SYNE1: variants seen among roughly 807,000 people sequenced by gnomAD.
SYNE1 encodes spectrin repeat containing nuclear envelope protein 1.
Under a neutral mutation model 1,111.0 loss-of-function variants are expected in SYNE1, and 616 were observed. The ratio of observed to expected loss-of-function variants is 0.55; its 90% CI spans 0.52 to 0.59. SYNE1 has a LOEUF of 0.59. Ranked by LOEUF, SYNE1 falls within the 20% of genes least tolerant of loss-of-function variation. The pLI is 0.00. For synonymous variants in SYNE1, 3,855 were observed against 3,825.8 expected, an observed-to-expected ratio of 1.01 and a Z score of -0.28; for missense variants, 10,006 against 10,417.0, an observed-to-expected ratio of 0.96 and a Z score of 1.72.
rs755706958 is a variant in SYNE1, at chr6:152,435,941, T to G, written c.4310A>C (p.Asp1437Ala). Reference protein sequence around the residue: ...VKKLEDTLEEDIKTMEMVKTK... With the variant: ...VKKLEDTLEEAIKTMEMVKTK... ...AGTTTAGGACTTGTCAATCACATAC[T>G]CTTCTTCAAGCGTGTCTTCTAATTT... is the stretch of plus-strand genomic sequence containing the variant. Residue 1437 changes from aspartate to alanine, a missense_variant and splice_region_variant, in exon 33 of 146, where the codon GAT becomes GCT. This residue lies in a region of SYNE1 where 1,971 missense variants were observed against 2,084.1 expected (regional missense o/e 0.95). Transcript: ENST00000367255. The G allele has an allele frequency of 1.2e-6, 2 of 1,614,008 alleles. No individual in the cohort carries two copies. Among genetic ancestry groups the G allele is most frequent in the Non-Finnish European group, 1.7e-6 (2 of 1,180,016 alleles).
chr6:152,490,977 G>C (rs2098967274), intron 11 of SYNE1, among the ~76,000 whole-genome samples: 1 of 152,186 alleles, frequency 6.6e-6, no homozygotes, highest in Non-Finnish European at 1.5e-5. Context: ...CTCTAATAGA[G>C]ACAAAGGAGA....
chr6:152,469,518 T>C (rs1443205363), intron 16 of SYNE1, among the ~76,000 whole-genome samples: 1 of 152,088 alleles, frequency 6.6e-6, no homozygotes, highest in Non-Finnish European at 1.5e-5. Context: ...ATAGCAACTA[T>C]GAGGCTTTCA....
At position 152,361,858 on chromosome 6, in the gene SYNE1, AAAAGG is replaced by A. The variant is rs557402152; in HGVS notation, c.10299+307_10299+311del. Among the ~76,000 whole-genome samples, 9 of 152,256 alleles carry A rather than the reference AAAAGG, an allele frequency of 5.9e-5. No individual in the cohort carries two copies. In the South Asian group the frequency reaches 1.5e-3, roughly 25 times the overall value. ...AAAGGGATGTGATAAAAAAAAAAAA[AAAAGG>A]AAGACTTCCTAATGATGAGCAGGCT... is the stretch of plus-strand genomic sequence containing the variant. On this transcript the variant is annotated intron_variant, in intron 64 of 145. Coordinates refer to ENST00000367255, the MANE Select transcript of SYNE1 (RefSeq NM_182961.4).
intron 32 of SYNE1, among the ~76,000 whole-genome samples, chr6:152,436,649 C>T (rs2154215937): frequency 6.6e-6 from 1 of 152,186 alleles, no homozygotes; most frequent in East Asian, 1.9e-4. Flanking sequence ...TCATAGTTTT[C>T]CAATAATACT....
intron 46 of SYNE1, 130 bp downstream of exon 46, chr6:152,404,083 A>C: frequency 1.8e-6 from 1 of 545,562 alleles, no homozygotes; most frequent in South Asian, 2.4e-5. Flanking sequence ...ATATAGATAT[A>C]TACGAGATAT....
intron 129 of SYNE1, 125 bp from the exon 130 acceptor site, chr6:152,176,685 C>A (rs2066526902): frequency 8.5e-6 from 8 of 944,598 alleles, no homozygotes; most frequent in Non-Finnish European, 1.2e-5. Flanking sequence ...ATAGGAATAC[C>A]ATGTGGATAT....
chr6:152,189,514 T>G (rs1232429593), intron 127 of SYNE1, 107 bp from the exon 128 acceptor site: 1 of 1,059,652 alleles, frequency 9.4e-7, no homozygotes, highest in Middle Eastern at 2.1e-4. Context: ...AGCCCTCAAT[T>G]TAAATATCTA....
intron 131 of SYNE1, 116 bp downstream of exon 131, chr6:152,164,047 C>T: frequency 7.0e-7 from 1 of 1,422,928 alleles, no homozygotes; most frequent in Non-Finnish European, 9.9e-7. Context: ...ACCAGTCCTG[C>T]CTAGCTCCCT....
In SYNE1 at chr6:152,465,447, C is replaced by T; in HGVS notation, c.1743G>A (p.Glu581=). Residue 581 remains glutamate (E), a synonymous_variant, in exon 18 of 146, where the codon GAG becomes GAA. Coordinates refer to ENST00000367255, the MANE Select transcript of SYNE1 (RefSeq NM_182961.4). ...VKADGSVEEA[E]NVMKFMNETT... ...TTTCATTCATGAATTTCATCACATT[C>T]TCAGCTTCTTCCACTGAAACAGATA... 2 of 1,613,252 alleles carry T rather than the reference C, an allele frequency of 1.2e-6. No homozygotes were observed. Among genetic ancestry groups the T allele is most frequent in the East Asian group, 2.2e-5 (1 of 44,846 alleles).
intron 107 of SYNE1, 27 bp from the exon 108 acceptor site, chr6:152,239,733 C>T: frequency 6.2e-7 from 1 of 1,613,630 alleles, no homozygotes; most frequent in Non-Finnish European, 8.5e-7. Context: ...AGAAAGAAGT[C>T]AGCAACTCAT....
chr6:152,181,908 A>C (rs929742756), intron 128 of SYNE1, among the ~76,000 whole-genome samples: 1 of 152,164 alleles, frequency 6.6e-6, no homozygotes, highest in African/African-American at 2.4e-5. Context: ...GTAGGATTCC[A>C]ATTTCTCTAC....
intron 137 of SYNE1, chr6:152,144,447 C>G (rs2059088553): frequency 6.5e-6 from 1 of 154,586 alleles, no homozygotes; most frequent in Admixed American, 6.3e-5. Flanking sequence ...ATTCTCCTCT[C>G]AAAGTTGTAA....
chr6:152,281,672 A>G, intron 97 of SYNE1, 135 bp downstream of exon 97: 1 of 953,256 alleles, frequency 1.0e-6, no homozygotes, highest in Non-Finnish European at 1.6e-6. Flanking sequence ...TTACTTTTCT[A>G]TTCTTTAAAT....
intron 25 of SYNE1, among the ~76,000 whole-genome samples, chr6:152,451,758 G>A (rs2098652976): frequency 6.6e-6 from 1 of 152,044 alleles, no homozygotes. Context: ...TGGGATTATA[G>A]GCGTGAGCCA....
intron 128 of SYNE1, among the ~76,000 whole-genome samples, chr6:152,186,417 G>A (rs755818908): frequency 1.3e-5 from 2 of 151,732 alleles, no homozygotes; most frequent in African/African-American, 2.4e-5. Context: ...TTTACAGGGC[G>A]TGGTGGCACA....
At chr6:152,472,246 G>A (rs2098810326) in intron 15 of SYNE1, 55 bp downstream of exon 15, 1 of 1,401,658 alleles carries the variant, frequency 7.1e-7, no homozygotes, top group Middle Eastern at 1.8e-4. Context: ...AATATAAAAA[G>A]CGTCCACCTA....
intron 115 of SYNE1, among the ~76,000 whole-genome samples, chr6:152,227,307 T>G (rs2081812000): frequency 6.6e-6 from 1 of 152,182 alleles, no homozygotes; most frequent in Non-Finnish European, 1.5e-5. Context: ...AGTAGCTAAA[T>G]GCAAGATATT....
intron 144 of SYNE1, among the ~76,000 whole-genome samples, chr6:152,131,127 A>AT (rs926078357): frequency 1.3e-5 from 2 of 151,940 alleles, no homozygotes; most frequent in African/African-American, 4.8e-5. Flanking sequence ...CACTTAATAT[A>AT]TTTTTTTTCA....
At chr6:152,197,640 T>C (rs1450001773) in intron 127 of SYNE1, among the ~76,000 whole-genome samples, 2 of 152,190 alleles carry the variant, frequency 1.3e-5, no homozygotes, top group East Asian at 3.9e-4. Flanking sequence ...CAAGAAGTGG[T>C]AATACTTTGA....
Sources: allele counts gnomAD v4.1 joint callset (sites outside exome capture counted in the v4.1 genomes callset), GRCh38; gene constraint gnomAD v4.1.1; regional missense constraint gnomAD v4.1.1; transcripts MANE v1.5; gene names NCBI Gene and HGNC (gene_info 2026-07-23, HGNC 2026-07-21).